Variants in MAPK10 observed in about 807,000 individuals in gnomAD.
MAPK10 encodes the protein mitogen-activated protein kinase 10, also known as JNK3 alpha protein kinase.
In MAPK10, 25 loss-of-function variants were observed where a neutral mutation model predicts 59.3. That is an observed-to-expected ratio of 0.42 (90% CI 0.31 to 0.59). MAPK10 has a LOEUF of 0.59. MAPK10 is among the 20% of genes least tolerant of loss of function. The pLI is 0.15. For synonymous variants in MAPK10, 190 were observed against 200.5 expected (o/e 0.95, Z 0.44); for missense variants, 351 against 568.9 (o/e 0.62, Z 3.90).
At chr4:86,235,173 TCTC>T (rs1370686198) in intron 2 of MAPK10, among the ~76,000 whole-genome samples, 1 of 152,156 alleles carries the variant, frequency 6.6e-6, no homozygotes, top group East Asian at 1.9e-4. Context: ...GAACTGAATA[TCTC>T]CTCATTTTCC....
intron 3 of MAPK10, among the ~76,000 whole-genome samples, chr4:86,186,811 T>C (rs947023545): frequency 5.3e-5 from 8 of 152,274 alleles, no homozygotes; most frequent in East Asian, 3.9e-4. Flanking sequence ...TTAAAAATAC[T>C]TGAAGTTTAT....
intron 3 of MAPK10, among the ~76,000 whole-genome samples, chr4:86,177,594 G>C (rs1269109602): frequency 3.9e-5 from 6 of 152,012 alleles, no homozygotes; most frequent in African/African-American, 1.4e-4. Context: ...CAAGCTTAAT[G>C]ATGTTTTTTA....
intron 3 of MAPK10, among the ~76,000 whole-genome samples, chr4:86,161,315 T>C (rs1015559525): frequency 1.3e-5 from 2 of 152,032 alleles, no homozygotes; most frequent in African/African-American, 4.8e-5. Flanking sequence ...AATCAGGACA[T>C]TGCAAGCCTA....
chr4:86,227,595 A>G (rs2090880548), intron 2 of MAPK10, among the ~76,000 whole-genome samples: 1 of 152,172 alleles, frequency 6.6e-6, no homozygotes, highest in African/African-American at 2.4e-5. Flanking sequence ...CGTCAATTAC[A>G]AGATAGGAGA....
chr4:86,576,667 T>G (rs764228245), intron 1 of MAPK10, among the ~76,000 whole-genome samples: 1 of 151,240 alleles, frequency 6.6e-6, no homozygotes, highest in African/African-American at 2.4e-5. Context: ...CCAGCTAACT[T>G]GGGAGGCTGA....
At chr4:86,586,458 G>A (rs1471183219) in intron 1 of MAPK10, among the ~76,000 whole-genome samples, 2 of 151,940 alleles carry the variant, frequency 1.3e-5, no homozygotes, top group African/African-American at 2.4e-5. Context: ...CTTCCCCTTC[G>A]TTAATTTGAA....
At chr4:86,550,223 CA>C (rs774410374) in intron 1 of MAPK10, among the ~76,000 whole-genome samples, 3 of 151,950 alleles carry the variant, frequency 2.0e-5, no homozygotes, top group Non-Finnish European at 4.4e-5. Flanking sequence ...CTGGATCTCA[CA>C]GGGAGATTCA....
chr4:86,534,359 G>A (rs550464401), intron 1 of MAPK10, among the ~76,000 whole-genome samples: 4 of 151,782 alleles, frequency 2.6e-5, no homozygotes, highest in African/African-American at 9.7e-5. Context: ...AACATTTCAC[G>A]CAAGCTGTTA....
intron 1 of MAPK10, among the ~76,000 whole-genome samples, chr4:86,460,953 A>C (rs1184579586): frequency 6.6e-6 from 1 of 152,100 alleles, no homozygotes; most frequent in Non-Finnish European, 1.5e-5. Context: ...CCCTCTCCAC[A>C]TGCTATATTT....
chr4:86,025,604 C>T (rs2148906502), intron 13 of MAPK10: 2 of 397,584 alleles, frequency 5.0e-6, no homozygotes, highest in Non-Finnish European at 8.9e-6. Context: ...AGTAGAGATA[C>T]ACATTTTCAA....
At chr4:86,364,130 T>C (rs1188839061), upstream of MAPK10, among the ~76,000 whole-genome samples, 1 of 148,808 alleles carries the variant, frequency 6.7e-6, no homozygotes, top group East Asian at 2.0e-4. Context: ...TGTTGATTTG[T>C]TTTGTTTTGT....
At chr4:86,131,261 G>A (rs2060949863) in intron 4 of MAPK10, among the ~76,000 whole-genome samples, 1 of 152,114 alleles carries the variant, frequency 6.6e-6, no homozygotes, top group Non-Finnish European at 1.5e-5. Context: ...AAGACCTAGT[G>A]GGTGTTTTTG....
At chr4:86,356,043 TCACACA>T (rs34547847) in intron 1 of MAPK10, among the ~76,000 whole-genome samples, 104 of 149,210 alleles carry the variant, frequency 7.0e-4, no homozygotes, top group Admixed American at 2.3e-3. Context: ...TTGTTTTTCT[TCACACA>T]CACACACACA....
intron 1 of MAPK10, among the ~76,000 whole-genome samples, chr4:86,508,911 C>T (rs772985430): frequency 6.6e-6 from 1 of 152,148 alleles, no homozygotes; most frequent in Admixed American, 6.6e-5. Context: ...GGCTTTTCCT[C>T]GTGCATGTTT....
chr4:86,393,143 G>C (rs1742458692), intron 1 of MAPK10, among the ~76,000 whole-genome samples: 1 of 152,058 alleles, frequency 6.6e-6, no homozygotes, highest in African/African-American at 2.4e-5. Context: ...ATAAAAACAG[G>C]CATATCTTGA....
At chr4:86,178,957 C>T (rs1183808317) in intron 3 of MAPK10, among the ~76,000 whole-genome samples, 1 of 152,096 alleles carries the variant, frequency 6.6e-6, no homozygotes, top group African/African-American at 2.4e-5. Flanking sequence ...AATCCCAGCA[C>T]TTTGGGAGGC....
intron 1 of MAPK10, among the ~76,000 whole-genome samples, chr4:86,561,612 A>C (rs747963532): frequency 2.0e-5 from 3 of 152,194 alleles, no homozygotes; most frequent in African/African-American, 7.2e-5. Flanking sequence ...GGCTCTCTCT[A>C]TATATATGAG....
At chr4:86,329,627 G>C (rs1470101530) in intron 2 of MAPK10, among the ~76,000 whole-genome samples, 1 of 152,116 alleles carries the variant, frequency 6.6e-6, no homozygotes, top group Non-Finnish European at 1.5e-5. Context: ...ACTTTTCTCT[G>C]CCTGTTCTTA....
chr4:86,576,401 G>C (rs1261769821), intron 1 of MAPK10, among the ~76,000 whole-genome samples: 1 of 152,114 alleles, frequency 6.6e-6, no homozygotes, highest in Non-Finnish European at 1.5e-5. Flanking sequence ...GTGGCAGGTA[G>C]AGTAGTTAAT....
Sources: gnomAD v4.1 joint callset for allele counts (sites outside exome capture counted in the v4.1 genomes callset) on GRCh38, gnomAD v4.1.1 for gene constraint, MANE v1.5 for transcripts, NCBI Gene and HGNC (gene_info 2026-07-23, HGNC 2026-07-21) for gene names.